HS1BP3: variants seen among roughly 807,000 people sequenced by gnomAD.
HS1BP3 encodes HCLS1-binding protein 3.
A neutral mutation model predicts 33.5 loss-of-function variants in HS1BP3; 32 were observed. The observed-to-expected ratio is 0.95, with a 90% CI of 0.72 to 1.28. HS1BP3 has a LOEUF of 1.28. Ranked by LOEUF, HS1BP3 falls within the 50% of genes most tolerant of loss-of-function variation. HS1BP3 has a pLI of 0.00. For missense variants in HS1BP3, 486 were observed against 502.3 expected, an observed-to-expected ratio of 0.97 and a Z score of 0.31; for synonymous variants, 187 against 209.2, an observed-to-expected ratio of 0.89 and a Z score of 0.92.
At chr2:20,584,756 G>T (rs543964731) in intron 5 of HS1BP3, among the ~76,000 whole-genome samples, 6 of 152,176 alleles carry the variant, frequency 3.9e-5, no homozygotes, top group Non-Finnish European at 7.3e-5. Context: ...ATGTGTTTAT[G>T]CTCATGGGGC....
downstream of HS1BP3, among the ~76,000 whole-genome samples, chr2:20,559,659 C>G (rs13026063): frequency 1.6e-3 from 34 of 20,966 alleles, no homozygotes; most frequent in Admixed American, 0.014. Flanking sequence ...TGGATGGGTG[C>G]ATGGATGGAT....
chr2:20,637,979 G>C (rs532215129), intron 4 of HS1BP3: 3 of 223,214 alleles, frequency 1.3e-5, no homozygotes, highest in African/African-American at 6.8e-5. Context: ...GGCCAGAGAT[G>C]TATGGCTGGT....
chr2:20,629,358 G>A (rs979621308), intron 4 of HS1BP3, among the ~76,000 whole-genome samples: 2 of 152,228 alleles, frequency 1.3e-5, no homozygotes, highest in African/African-American at 2.4e-5. Context: ...GTCTGCAGGC[G>A]CAGGGCCTGG....
At chr2:20,558,310 C>T (rs576624587), downstream of HS1BP3, among the ~76,000 whole-genome samples, 8 of 152,264 alleles carry the variant, frequency 5.3e-5, no homozygotes, top group East Asian at 1.2e-3. Context: ...AGAGCTTGGA[C>T]CACCTACTTG....
At chr2:20,606,303 G>A (rs1694175461) in intron 2 of HS1BP3, 1 of 452,970 alleles carries the variant, frequency 2.2e-6, no homozygotes, top group Non-Finnish European at 4.4e-6. Context: ...CCAGCAGCTG[G>A]TGCATCTCCA....
downstream of HS1BP3, among the ~76,000 whole-genome samples, chr2:20,591,586 T>G (rs915538165): frequency 6.6e-6 from 1 of 152,206 alleles, no homozygotes; most frequent in African/African-American, 2.4e-5. Context: ...TTGTTTGTTT[T>G]TTTGAGGAAG....
intron 2 of HS1BP3, among the ~76,000 whole-genome samples, chr2:20,605,891 A>T (rs1379338169): frequency 6.6e-6 from 1 of 152,246 alleles, no homozygotes; most frequent in African/African-American, 2.4e-5. Flanking sequence ...AGCTATTGTG[A>T]ATAGTGCCAC....
intron 1 of HS1BP3, among the ~76,000 whole-genome samples, chr2:20,646,371 C>A (rs1695519995): frequency 6.6e-6 from 1 of 152,162 alleles, no homozygotes; most frequent in Non-Finnish European, 1.5e-5. Flanking sequence ...TGGAGCTTAA[C>A]CTGTGTCTGG....
chr2:20,619,334 G>T, intron 6 of HS1BP3, 89 bp from the exon 7 acceptor site: 1 of 1,188,930 alleles, frequency 8.4e-7, no homozygotes, highest in Non-Finnish European at 1.2e-6. Flanking sequence ...CCCACACGGG[G>T]CTGGGCAGCG....
At chr2:20,612,557 T>C (rs1694337909) in intron 2 of HS1BP3, among the ~76,000 whole-genome samples, 1 of 152,202 alleles carries the variant, frequency 6.6e-6, no homozygotes, top group African/African-American at 2.4e-5. Flanking sequence ...ATACATAGAA[T>C]CATACAATAC....
intron 5 of HS1BP3, among the ~76,000 whole-genome samples, chr2:20,564,898 C>G (rs1440291603): frequency 1.3e-5 from 2 of 152,328 alleles, no homozygotes; most frequent in East Asian, 3.9e-4. Flanking sequence ...AGAACTTCCA[C>G]CACCAGGACT....
At chr2:20,609,684 A>T (rs1394581060) in intron 2 of HS1BP3, among the ~76,000 whole-genome samples, 1 of 152,206 alleles carries the variant, frequency 6.6e-6, no homozygotes, top group Non-Finnish European at 1.5e-5. Context: ...AGAGGAAGAA[A>T]AAGAAAAGCT....
At chr2:20,606,276 C>T (rs888826110) in intron 2 of HS1BP3, 14 of 362,202 alleles carry the variant, frequency 3.9e-5, no homozygotes, top group South Asian at 8.8e-5. Flanking sequence ...TTGGTTGGAC[C>T]TGTTCATGCG....
chr2:20,623,515 G>A (rs1009185659), intron 6 of HS1BP3: 12 of 157,980 alleles, frequency 7.6e-5, no homozygotes, highest in South Asian at 4.0e-4. Flanking sequence ...TTGCCCCCTC[G>A]CTGGGTGGGC....
intron 2 of HS1BP3, among the ~76,000 whole-genome samples, chr2:20,600,295 A>G (rs972918243): frequency 1.5e-4 from 23 of 152,238 alleles, no homozygotes; most frequent in African/African-American, 5.3e-4. Flanking sequence ...CAAGGGCCTA[A>G]GAATCCTGCT....
At chr2:20,589,155 T>C (rs998318274), downstream of HS1BP3, among the ~76,000 whole-genome samples, 6 of 152,162 alleles carry the variant, frequency 3.9e-5, no homozygotes, top group African/African-American at 1.4e-4. Context: ...GATGGGTGCA[T>C]AGATTGGTCA....
At position 20,566,969 on chromosome 2, in the gene HS1BP3, C is replaced by A. The variant is rs938800564; in HGVS notation, c.303-6454G>T. ...TCACTACCCTTCTAGCCCCTGAACC[C>A]CTGAGAACAAGGATTGAGTTTCTCC... On this transcript the variant is annotated intron_variant, in intron 5 of 5. Coordinates refer to the HS1BP3 transcript ENST00000446825. Among the ~76,000 whole-genome samples, 6 of 152,174 alleles carry A rather than the reference C, an allele frequency of 3.9e-5. No individual in the cohort carries two copies. The South Asian group carries it at 1.0e-3, about 26-fold the overall frequency.
rs1694473895 is a variant in HS1BP3 at position 20,618,091 on chromosome 2, C to G, written c.*896G>C. 1 of 152,348 alleles carries G rather than the reference C, an allele frequency of 6.6e-6. No homozygotes were observed. The highest frequency in any genetic ancestry group is 1.5e-5 in the Non-Finnish European group (1 of 68,094). The allele number at this position is 152,348 out of a possible 1,614,324, so 9.4% of individuals were successfully genotyped here. On this transcript the variant is annotated 3_prime_UTR_variant, in exon 7 of 7. Transcript: ENST00000304031. ...GTGGGAGGCGGTGCAGGCTGGGAGC[C>G]CTGCCCAGGCCCCAGGCTGAGCTGT...
At chr2:20,631,825 T>G (rs1310800235) in intron 4 of HS1BP3, among the ~76,000 whole-genome samples, 3 of 152,100 alleles carry the variant, frequency 2.0e-5, no homozygotes, top group Non-Finnish European at 4.4e-5. Flanking sequence ...CTCTGCAGCC[T>G]ACATTCTACA....
Sources: allele counts gnomAD v4.1 joint callset (sites outside exome capture counted in the v4.1 genomes callset), GRCh38; gene constraint gnomAD v4.1.1; transcripts MANE v1.5; gene names NCBI Gene and HGNC (gene_info 2026-07-23, HGNC 2026-07-21).